NCKAP5: variants seen among roughly 807,000 people sequenced by gnomAD.
The protein encoded by NCKAP5 is nck-associated protein 5.
In NCKAP5, 92 loss-of-function variants were observed where a neutral mutation model predicts 167.0. The ratio of observed to expected loss-of-function variants is 0.55; its 90% CI spans 0.47 to 0.66. The LOEUF (loss-of-function observed/expected upper bound fraction) is 0.66, where lower values mean the gene tolerates loss of function less well. Ranked by LOEUF, NCKAP5 falls within the 30% of genes least tolerant of loss-of-function variation. The pLI, the probability that NCKAP5 is intolerant of heterozygous loss-of-function variation, is 0.00. For missense variants in NCKAP5, 2,378 were observed against 2,315.0 expected (o/e 1.03, Z -0.56); for synonymous variants, 891 against 877.4 (o/e 1.02, Z -0.27).
At chr2:133,630,192 A>G in the NCKAP5 span, among the ~76,000 whole-genome samples, 1 of 152,218 alleles carries the variant, frequency 6.6e-6, no homozygotes, top group African/African-American at 2.4e-5. Context: ...AAGTGAAAGG[A>G]GCCAGTCATC....
intron 5 of NCKAP5, among the ~76,000 whole-genome samples, chr2:133,198,258 A>G (rs1004050318): frequency 2.6e-5 from 4 of 152,206 alleles, no homozygotes; most frequent in African/African-American, 7.2e-5. Flanking sequence ...ATCTGAAGAA[A>G]TAATTTGGTG....
chr2:132,692,881 A>G (rs1257279939), intron 19 of NCKAP5, among the ~76,000 whole-genome samples: 1 of 152,162 alleles, frequency 6.6e-6, no homozygotes, highest in East Asian at 1.9e-4. Context: ...GCACTATTCC[A>G]TGGTACCTAT....
At chr2:132,878,537 G>T (rs1287773594) in intron 9 of NCKAP5, among the ~76,000 whole-genome samples, 1 of 151,724 alleles carries the variant, frequency 6.6e-6, no homozygotes, top group Non-Finnish European at 1.5e-5. Context: ...GTAAACTGTG[G>T]CCCAAGAATA....
chr2:133,605,046 A>G, the NCKAP5 span, among the ~76,000 whole-genome samples: 1 of 152,226 alleles, frequency 6.6e-6, no homozygotes, highest in Non-Finnish European at 1.5e-5. Flanking sequence ...AGGTAGGTAG[A>G]GAACATTTTG....
chr2:132,724,060 T>A (rs1690210875), intron 19 of NCKAP5, among the ~76,000 whole-genome samples: 1 of 152,196 alleles, frequency 6.6e-6, no homozygotes, highest in Admixed American at 6.5e-5. Context: ...GAGCTTGCTC[T>A]GCCTCAAGTC....
At chr2:133,546,331 G>A (rs1004928316) in intron 2 of NCKAP5, among the ~76,000 whole-genome samples, 3 of 152,244 alleles carry the variant, frequency 2.0e-5, no homozygotes, top group African/African-American at 7.2e-5. Context: ...TTTTCAAAAC[G>A]GTAGAAAGGG....
intron 8 of NCKAP5, among the ~76,000 whole-genome samples, chr2:132,891,743 C>T (rs1692727349): frequency 6.6e-6 from 1 of 152,208 alleles, no homozygotes; most frequent in South Asian, 2.1e-4. Context: ...CGATAATTTC[C>T]TTGCCCAGGG....
At chr2:133,190,905 G>A (rs2085188159) in intron 5 of NCKAP5, among the ~76,000 whole-genome samples, 2 of 152,024 alleles carry the variant, frequency 1.3e-5, no homozygotes, top group Admixed American at 1.3e-4. Context: ...GGCAACAAAA[G>A]CCAAAATTGA....
chr2:132,963,657 C>T, intron 8 of NCKAP5, 63 bp downstream of exon 8: 2 of 1,518,312 alleles, frequency 1.3e-6, no homozygotes, highest in Non-Finnish European at 9.1e-7. Context: ...AAACCAGTGC[C>T]AATAAAAGAA....
chr2:133,662,983 G>A, the NCKAP5 span, among the ~76,000 whole-genome samples: 4 of 151,998 alleles, frequency 2.6e-5, no homozygotes, highest in Non-Finnish European at 4.4e-5. Context: ...AAAAAATGCC[G>A]GGGCCGGGCG....
chr2:132,918,231 T>C (rs975128427), intron 8 of NCKAP5, among the ~76,000 whole-genome samples: 2 of 152,224 alleles, frequency 1.3e-5, no homozygotes, highest in African/African-American at 4.8e-5. Context: ...TGGTACCATT[T>C]TCTTCCTGAT....
At chr2:132,933,147 G>A (rs547958217) in intron 8 of NCKAP5, among the ~76,000 whole-genome samples, 83 of 151,432 alleles carry the variant, frequency 5.5e-4, no homozygotes, top group African/African-American at 1.5e-3. Context: ...GGATGGTCTC[G>A]ATCTTCTGAC....
chr2:133,072,140 A>G (rs1451948942), intron 6 of NCKAP5, among the ~76,000 whole-genome samples: 1 of 150,442 alleles, frequency 6.6e-6, no homozygotes, highest in African/African-American at 2.5e-5. Flanking sequence ...GCTGGAGTGC[A>G]ATGGCATGAT....
intron 3 of NCKAP5, among the ~76,000 whole-genome samples, chr2:133,441,216 AT>A (rs1690837030): frequency 6.6e-6 from 1 of 152,126 alleles, no homozygotes; most frequent in African/African-American, 2.4e-5. Context: ...CAATCAATAT[AT>A]GTTCTGTCAT....
At chr2:133,388,127 T>C (rs1479496816) in intron 3 of NCKAP5, among the ~76,000 whole-genome samples, 1 of 152,222 alleles carries the variant, frequency 6.6e-6, no homozygotes, top group Non-Finnish European at 1.5e-5. Flanking sequence ...CTCTGATTTT[T>C]AGAATTTTCA....
At chr2:132,789,037 T>C (rs772061663) in intron 13 of NCKAP5, among the ~76,000 whole-genome samples, 2 of 152,144 alleles carry the variant, frequency 1.3e-5, no homozygotes, top group Non-Finnish European at 2.9e-5. Context: ...CACCTGAGTG[T>C]CCATGAAGTG....
intron 6 of NCKAP5, among the ~76,000 whole-genome samples, chr2:133,047,519 AC>A (rs1487168796): frequency 6.6e-6 from 1 of 152,212 alleles, no homozygotes; most frequent in Non-Finnish European, 1.5e-5. Flanking sequence ...GAAATGAGAA[AC>A]TTTTGAAAAT....
chr2:133,365,261 G>C (rs1021187090), intron 3 of NCKAP5, among the ~76,000 whole-genome samples: 1 of 152,200 alleles, frequency 6.6e-6, no homozygotes, highest in African/African-American at 2.4e-5. Context: ...AGCAGAGGCT[G>C]AGGGCATCTG....
At chr2:133,419,335 T>C (rs1689323353) in intron 3 of NCKAP5, among the ~76,000 whole-genome samples, 1 of 152,246 alleles carries the variant, frequency 6.6e-6, no homozygotes, top group African/African-American at 2.4e-5. Context: ...CCCAGTGATA[T>C]GATTTATCCC....
Sources: allele counts gnomAD v4.1 joint callset (sites outside exome capture counted in the v4.1 genomes callset), GRCh38; gene constraint gnomAD v4.1.1; transcripts MANE v1.5; gene names NCBI Gene and HGNC (gene_info 2026-07-23, HGNC 2026-07-21).